The following COL25A1 variants were observed in gnomAD, a reference collection of about 807,000 sequenced individuals.
COL25A1 encodes the protein collagen alpha-1(XXV) chain.
Under a neutral mutation model 128.4 loss-of-function variants are expected in COL25A1, and 103 were observed. That is an observed-to-expected ratio of 0.80 (90% confidence interval 0.68 to 0.94). COL25A1 has a LOEUF of 0.94. Among genes scored for constraint, COL25A1 ranks in the 40% least tolerant of loss-of-function variants. COL25A1 has a pLI of 0.00. For synonymous variants in COL25A1, 279 were observed against 277.2 expected (o/e 1.01, Z -0.06); for missense variants, 745 against 840.0 (o/e 0.89, Z 1.40).
At chr4:109,119,124 G>T (rs971126565) in intron 3 of COL25A1, among the ~76,000 whole-genome samples, 6 of 151,898 alleles carry the variant, frequency 4.0e-5, no homozygotes, top group African/African-American at 1.4e-4. Flanking sequence ...GGTCAAAGAA[G>T]AACTCTCAAG....
At chr4:109,255,496 G>T (rs1184919435) in intron 3 of COL25A1, among the ~76,000 whole-genome samples, 1 of 152,128 alleles carries the variant, frequency 6.6e-6, no homozygotes, top group Non-Finnish European at 1.5e-5. Flanking sequence ...ATGGGAAAGA[G>T]GGTGAATATC....
Position 109,048,181 on chromosome 4 carries a change from G to C in COL25A1, c.413-6C>G, listed in dbSNP as rs3108954. 1.9e-6 allele frequency: 3 copies of C among 1,610,864 alleles called. No individual in the cohort carries two copies. The Admixed American group carries it at 5.0e-5, about 27-fold the overall frequency. On this transcript the variant is annotated splice_polypyrimidine_tract_variant and splice_region_variant and intron_variant, in intron 4 of 37. Transcript: ENST00000399132. ...AAACATACTTACAGGAGGACCTATGGGGGGAGCAGGTGGAGAGAGAAGAGA... is the reference window on the plus strand; with the variant it reads ...AAACATACTTACAGGAGGACCTATGCGGGGAGCAGGTGGAGAGAGAAGAGA...
chr4:109,156,627 T>C (rs915887950), intron 3 of COL25A1, among the ~76,000 whole-genome samples: 2 of 152,092 alleles, frequency 1.3e-5, no homozygotes, highest in African/African-American at 2.4e-5. Context: ...ATATAAAAAC[T>C]AAGGCCTGTT....
At chr4:109,185,149 A>G (rs1775020081) in intron 3 of COL25A1, among the ~76,000 whole-genome samples, 1 of 152,198 alleles carries the variant, frequency 6.6e-6, no homozygotes, top group African/African-American at 2.4e-5. Flanking sequence ...CTAATTATGT[A>G]TTTCATAATC....
intron 35 of COL25A1, among the ~76,000 whole-genome samples, chr4:108,822,343 G>A (rs1350624350): frequency 4.0e-5 from 6 of 151,842 alleles, no homozygotes; most frequent in Non-Finnish European, 5.9e-5. Flanking sequence ...CACGCCCGGC[G>A]GTAATATGTT....
intron 3 of COL25A1, among the ~76,000 whole-genome samples, chr4:109,097,454 A>C (rs77824701): frequency 1.3e-4 from 19 of 149,514 alleles, no homozygotes; most frequent in South Asian, 1.1e-3. Context: ...AAAAAAAAAA[A>C]CCACAAAAAT....
At chr4:109,255,875 G>A (rs1781045164) in intron 3 of COL25A1, among the ~76,000 whole-genome samples, 1 of 152,024 alleles carries the variant, frequency 6.6e-6, no homozygotes, top group Non-Finnish European at 1.5e-5. Flanking sequence ...TTCTGCTCTT[G>A]CACCCTTAGT....
At chr4:108,975,870 A>G (rs1381694890) in intron 6 of COL25A1, among the ~76,000 whole-genome samples, 2 of 152,048 alleles carry the variant, frequency 1.3e-5, no homozygotes, top group Admixed American at 6.5e-5. Context: ...TTGATTTGCT[A>G]GAGTTCTTTA....
At chr4:109,039,101 T>A (rs934935658) in intron 5 of COL25A1, among the ~76,000 whole-genome samples, 7 of 151,990 alleles carry the variant, frequency 4.6e-5, no homozygotes, top group African/African-American at 7.3e-5. Flanking sequence ...AGTCTCTACA[T>A]CTCCCCTGCT....
chr4:109,000,124 A>G (rs1030737545), intron 6 of COL25A1, among the ~76,000 whole-genome samples: 4 of 152,208 alleles, frequency 2.6e-5, no homozygotes, highest in African/African-American at 9.6e-5. Context: ...ACAATAAAAA[A>G]AAGCTCTGCA....
chr4:108,895,075 GAA>G (rs1301501145), intron 16 of COL25A1, among the ~76,000 whole-genome samples: 1 of 152,084 alleles, frequency 6.6e-6, no homozygotes, highest in African/African-American at 2.4e-5. Context: ...CTGAGGTTGA[GAA>G]ACACAGATCT....
At chr4:108,828,417 G>A (rs1266924598) in intron 32 of COL25A1, among the ~76,000 whole-genome samples, 1 of 152,148 alleles carries the variant, frequency 6.6e-6, no homozygotes, top group African/African-American at 2.4e-5. Context: ...TTACAGGCGT[G>A]AGCCACCGTG....
chr4:109,296,013 C>T (rs546927005), intron 3 of COL25A1, among the ~76,000 whole-genome samples: 197 of 152,124 alleles, frequency 1.3e-3, no homozygotes, highest in Non-Finnish European at 2.4e-3. Context: ...TTCAGTAAGC[C>T]AGACAAAAAG....
intron 3 of COL25A1, among the ~76,000 whole-genome samples, chr4:109,065,537 C>CGT (rs1553924913): frequency 3.0e-5 from 4 of 132,174 alleles, no homozygotes; most frequent in East Asian, 4.2e-4. Context: ...GCAGCACGCG[C>CGT]GCGCGCGCGT....
intron 3 of COL25A1, among the ~76,000 whole-genome samples, chr4:109,201,696 A>G (rs1488946536): frequency 6.6e-6 from 1 of 152,198 alleles, no homozygotes; most frequent in African/African-American, 2.4e-5. Context: ...AAAACTTACA[A>G]CTGTCTTTTC....
intron 3 of COL25A1, among the ~76,000 whole-genome samples, chr4:109,057,867 T>C (rs954569094): frequency 4.6e-5 from 7 of 152,140 alleles, no homozygotes; most frequent in Non-Finnish European, 8.8e-5. Context: ...TATTTATTAA[T>C]TTTATAAGTA....
intron 3 of COL25A1, among the ~76,000 whole-genome samples, chr4:109,128,713 T>C (rs10004388): frequency 0.29 from 44,544 of 152,030 alleles, 7,655 homozygotes; most frequent in African/African-American, 0.47. Flanking sequence ...CAGGGGCCCA[T>C]GGTATACTGG....
At chr4:108,856,215 G>A (rs1736489609) in intron 24 of COL25A1, among the ~76,000 whole-genome samples, 2 of 152,148 alleles carry the variant, frequency 1.3e-5, no homozygotes, top group African/African-American at 4.8e-5. Flanking sequence ...AGATGGCGAT[G>A]AGAATTTTTT....
chr4:109,242,622 T>A (rs1428027475), intron 3 of COL25A1, among the ~76,000 whole-genome samples: 2 of 152,100 alleles, frequency 1.3e-5, no homozygotes, highest in African/African-American at 4.8e-5. Context: ...AAAGGTGGCT[T>A]GATATTGACA....
Sources: gnomAD v4.1 joint callset for allele counts (sites outside exome capture counted in the v4.1 genomes callset) on GRCh38, gnomAD v4.1.1 for gene constraint, MANE v1.5 for transcripts, NCBI Gene and HGNC (gene_info 2026-07-23, HGNC 2026-07-21) for gene names.